The following CSMD3 variants were observed in gnomAD, a reference collection of about 807,000 sequenced individuals.
CSMD3 encodes the protein CUB and sushi domain-containing protein 3.
Under a neutral mutation model 435.2 loss-of-function variants are expected in CSMD3, and 177 were observed. The ratio of observed to expected loss-of-function variants is 0.41; its 90% CI spans 0.36 to 0.46. The LOEUF is 0.46. Ranked by LOEUF, CSMD3 falls within the 20% of genes least tolerant of loss-of-function variation. The pLI is 0.34. For synonymous variants in CSMD3, 1,656 were observed against 1,520.5 expected (o/e 1.09, Z -2.07); for missense variants, 4,265 against 4,504.6 (o/e 0.95, Z 1.52).
At chr8:113,163,447 CT>C (rs1426239744) in intron 4 of CSMD3, among the ~76,000 whole-genome samples, 7 of 151,770 alleles carry the variant, frequency 4.6e-5, no homozygotes, top group Admixed American at 1.3e-4. Context: ...ATATTTATAA[CT>C]AAAAAGTTAT....
chr8:113,087,507 G>A (rs372980422), intron 5 of CSMD3, among the ~76,000 whole-genome samples: 3 of 152,254 alleles, frequency 2.0e-5, no homozygotes, highest in East Asian at 3.9e-4. Flanking sequence ...TAACAAAACA[G>A]AGATATAGAT....
chr8:112,543,706 G>A (rs528551129), intron 27 of CSMD3, among the ~76,000 whole-genome samples: 2 of 152,104 alleles, frequency 1.3e-5, no homozygotes, highest in South Asian at 2.1e-4. Context: ...ACTACTTTAC[G>A]ATCCAACAAT....
chr8:112,942,755 T>C (rs1334180976), intron 9 of CSMD3, among the ~76,000 whole-genome samples: 4 of 151,824 alleles, frequency 2.6e-5, no homozygotes, highest in Non-Finnish European at 5.9e-5. Context: ...AACTACTTAT[T>C]GGGCATTATG....
intron 31 of CSMD3, among the ~76,000 whole-genome samples, chr8:112,480,699 C>T (rs556218983): frequency 6.6e-4 from 101 of 152,204 alleles, no homozygotes; most frequent in African/African-American, 2.3e-3. Context: ...GATTGGAAGC[C>T]TTCTGAGACC....
In CSMD3 at chr8:112,657,938, G is replaced by A. The variant is rs532239869; in HGVS notation, c.2817-1597C>T. On this transcript the variant is annotated intron_variant, in intron 17 of 70. Coordinates refer to ENST00000297405, the MANE Select transcript of CSMD3 (RefSeq NM_198123.2). Reference sequence around the variant, plus strand: ...CCTTAAAAGTCTATAAACTCCATGAGGTTAAGCAGTGTGTTTTTGTCAATG... The same window carrying A: ...CCTTAAAAGTCTATAAACTCCATGAAGTTAAGCAGTGTGTTTTTGTCAATG... Among the ~76,000 whole-genome samples the A allele has an allele frequency of 2.6e-5, 4 of 152,212 alleles. No individual in the cohort carries two copies. The South Asian group carries it at 8.3e-4, about 32-fold the overall frequency.
intron 12 of CSMD3, among the ~76,000 whole-genome samples, chr8:112,810,791 C>A (rs1461067242): frequency 6.6e-6 from 1 of 151,902 alleles, no homozygotes; most frequent in East Asian, 1.9e-4. Context: ...AGTATTTTGG[C>A]CCTCCAAAAA....
At chr8:113,190,169 A>G (rs2092563884) in intron 3 of CSMD3, among the ~76,000 whole-genome samples, 2 of 151,766 alleles carry the variant, frequency 1.3e-5, no homozygotes, top group African/African-American at 4.8e-5. Context: ...TTATTTATTA[A>G]ACACCTACTG....
At chr8:112,295,581 A>G (rs1180641832) in intron 54 of CSMD3, among the ~76,000 whole-genome samples, 1 of 151,626 alleles carries the variant, frequency 6.6e-6, no homozygotes. Flanking sequence ...TAATTTATCA[A>G]TATTATATAT....
chr8:112,225,945 G>GA (rs1812512952), intron 70 of CSMD3, among the ~76,000 whole-genome samples: 1 of 152,046 alleles, frequency 6.6e-6, no homozygotes, highest in South Asian at 2.1e-4. Context: ...ATTTGTAATG[G>GA]AAAAAAGGCA....
chr8:113,396,921 T>C (rs756535089), intron 1 of CSMD3, among the ~76,000 whole-genome samples: 1 of 152,178 alleles, frequency 6.6e-6, no homozygotes, highest in African/African-American at 2.4e-5. Flanking sequence ...TTTTGTCTTC[T>C]TCACTATTTT....
chr8:112,454,574 A>G (rs1816633013), intron 32 of CSMD3, among the ~76,000 whole-genome samples: 1 of 152,234 alleles, frequency 6.6e-6, no homozygotes, highest in Admixed American at 6.5e-5. Flanking sequence ...GTTATTATTA[A>G]AAAGTTAAAA....
rs931322725 is a variant in CSMD3, at chr8:112,497,516, C to T, written c.5084-4833G>A. On this transcript the variant is annotated intron_variant, in intron 30 of 70. Coordinates refer to ENST00000297405, the MANE Select transcript of CSMD3 (RefSeq NM_198123.2). ...ATATATATATATACCTACTATGAACCTGTAAAAATTAAAAATTTTAAAAAG... is the reference window on the plus strand; with the variant it reads ...ATATATATATATACCTACTATGAACTTGTAAAAATTAAAAATTTTAAAAAG... Among the ~76,000 whole-genome samples the T allele has an allele frequency of 4.0e-5, 6 of 149,884 alleles. No individual in the cohort carries two copies. The East Asian group carries it at 1.2e-3, about 29-fold the overall frequency.
chr8:112,666,118 G>A (rs545471121), intron 17 of CSMD3, among the ~76,000 whole-genome samples, 159 bp downstream of exon 17: 3 of 152,078 alleles, frequency 2.0e-5, no homozygotes, highest in Admixed American at 6.6e-5. Flanking sequence ...TTGGAAACAC[G>A]CTGAAAGGTT....
At chr8:112,312,448 G>A (rs1484585067) in intron 49 of CSMD3, among the ~76,000 whole-genome samples, 1 of 152,012 alleles carries the variant, frequency 6.6e-6, no homozygotes, top group Admixed American at 6.6e-5. Flanking sequence ...TAGAGAGGGG[G>A]TGTCACTATG....
At chr8:112,361,572 CAT>C (rs4030099) in intron 38 of CSMD3, among the ~76,000 whole-genome samples, 3,227 of 105,962 alleles carry the variant, frequency 0.03, 152 homozygotes, top group African/African-American at 0.034. Flanking sequence ...TATACACATA[CAT>C]ATATATATAT....
At chr8:112,477,142 T>C (rs777297334) in intron 31 of CSMD3, among the ~76,000 whole-genome samples, 19 of 152,312 alleles carry the variant, frequency 1.2e-4, no homozygotes, top group Non-Finnish European at 2.1e-4. Flanking sequence ...AAAAAATTAC[T>C]TAAATTTAGT....
intron 3 of CSMD3, among the ~76,000 whole-genome samples, chr8:113,220,188 C>T (rs919384067): frequency 1.3e-5 from 2 of 151,268 alleles, no homozygotes; most frequent in African/African-American, 2.4e-5. Flanking sequence ...GTCATAGATC[C>T]GTTTGATGAA....
intron 30 of CSMD3, among the ~76,000 whole-genome samples, chr8:112,494,499 CTTTCTT>C (rs1359526234): frequency 1.3e-3 from 22 of 17,110 alleles, no homozygotes; most frequent in African/African-American, 3.7e-3. Flanking sequence ...TCTCTCCTTT[CTTTCTT>C]TCTTTCTTTC....
chr8:112,732,657 G>A (rs1403250780), intron 13 of CSMD3, among the ~76,000 whole-genome samples: 1 of 139,300 alleles, frequency 7.2e-6, no homozygotes, highest in Non-Finnish European at 1.5e-5. Context: ...CCAAGATCAT[G>A]CCACTCCACT....
Sources: gnomAD v4.1 joint callset for allele counts (sites outside exome capture counted in the v4.1 genomes callset) on GRCh38, gnomAD v4.1.1 for gene constraint, MANE v1.5 for transcripts, NCBI Gene and HGNC (gene_info 2026-07-23, HGNC 2026-07-21) for gene names.